DAB2IP: variants seen among roughly 807,000 people sequenced by gnomAD.
The protein encoded by DAB2IP is DAB2 interacting protein.
Under a neutral mutation model 107.2 loss-of-function variants are expected in DAB2IP, and 28 were observed. The observed-to-expected ratio is 0.26, with a 90% CI of 0.19 to 0.36. The LOEUF is 0.36. Ranked by LOEUF, DAB2IP falls within the 10% of genes least tolerant of loss-of-function variation. The pLI is 1.00. For synonymous variants in DAB2IP, 755 were observed against 706.4 expected, an observed-to-expected ratio of 1.07 and a Z score of -1.09; for missense variants, 1,400 against 1,644.7, an observed-to-expected ratio of 0.85 and a Z score of 2.57.
At chr9:121,578,410 C>T (rs554683245) in intron 1 of DAB2IP, among the ~76,000 whole-genome samples, 19 of 152,116 alleles carry the variant, frequency 1.2e-4, no homozygotes, top group Admixed American at 6.5e-4. Context: ...CCTTCCCCAG[C>T]AGAATGGGGA....
chr9:121,742,826 A>G lies in DAB2IP; in HGVS notation c.363-14187A>G, dbSNP rs917012422. On this transcript the variant is annotated intron_variant, in intron 3 of 15. Transcript: ENST00000408936. ...TGTTGTGTCAGAAGCCATGATTTCC[A>G]GTCTTCTCATCTGGAAGATGAAGGA... 1.3e-5 allele frequency: 13 copies of G among 985,316 alleles called. No individual in the cohort carries two copies. The South Asian group carries it at 1.9e-4, about 14-fold the overall frequency. 61.0% of individuals were successfully genotyped at this position (985,316 alleles called of 1,614,324 possible).
At chr9:121,627,826 T>G (rs1050211837) in intron 1 of DAB2IP, among the ~76,000 whole-genome samples, 1 of 152,256 alleles carries the variant, frequency 6.6e-6, no homozygotes, top group Non-Finnish European at 1.5e-5. Flanking sequence ...GCAACTTGCT[T>G]CTTTCGTTCA....
rs200485707 is a variant in DAB2IP, at chr9:121,783,824, C to T, written c.*1326C>T. ...GTTCTGTAGCTTATCTGCCCCTCCC[C>T]CACTTTCAAGACAGATGAGCAGGAG... On this transcript the variant is annotated 3_prime_UTR_variant, in exon 16 of 16. Coordinates refer to ENST00000408936, the Ensembl canonical transcript of DAB2IP. 7.7e-4 allele frequency: 413 copies of T among 533,064 alleles called. 2 individuals carry two copies. The East Asian group carries it at 0.012, about 15-fold the overall frequency. 33.0% of individuals were successfully genotyped at this position (533,064 alleles called of 1,614,324 possible).
chr9:121,779,324 T>G (rs541927181), intron 14 of DAB2IP, among the ~76,000 whole-genome samples: 14 of 152,388 alleles, frequency 9.2e-5, no homozygotes, highest in African/African-American at 3.4e-4. Context: ...TGTTTTCATG[T>G]CCTTGTCTAA....
chr9:121,765,085 C>T (rs1834176259), intron 8 of DAB2IP, among the ~76,000 whole-genome samples: 1 of 152,318 alleles, frequency 6.6e-6, no homozygotes, highest in African/African-American at 2.4e-5. Context: ...AAATGGGCAC[C>T]TCAAGATGGG....
At chr9:121,640,269 A>G (rs151226230) in intron 1 of DAB2IP, among the ~76,000 whole-genome samples, 90 of 152,126 alleles carry the variant, frequency 5.9e-4, no homozygotes, top group South Asian at 1.7e-3. Flanking sequence ...TGGGCTGGGT[A>G]GTGCGGATCT....
chr9:121,765,455 G>T (rs1197258323), intron 8 of DAB2IP, among the ~76,000 whole-genome samples: 1 of 152,234 alleles, frequency 6.6e-6, no homozygotes, highest in Non-Finnish European at 1.5e-5. Flanking sequence ...AGCATGCATT[G>T]CAGGAGAGCC....
intron 2 of DAB2IP, among the ~76,000 whole-genome samples, chr9:121,688,966 A>T (rs761898054): frequency 3.3e-5 from 5 of 152,190 alleles, no homozygotes; most frequent in Non-Finnish European, 7.4e-5. Context: ...CAAGTGACCC[A>T]GCCCACCAGA....
intron 1 of DAB2IP, among the ~76,000 whole-genome samples, chr9:121,640,193 T>G (rs974531362): frequency 6.6e-6 from 1 of 152,086 alleles, no homozygotes; most frequent in East Asian, 1.9e-4. Context: ...ATCCTAGGGC[T>G]CCATAGCCCA....
rs1239148562 is a variant in DAB2IP, at chr9:121,651,614, G to A, written c.-162G>A. On this transcript the variant is annotated 5_prime_UTR_variant, in exon 1 of 16. Transcript: ENST00000408936. The surrounding 1 kb of genome is among the most constrained non-coding windows in gnomAD (Gnocchi z 5.1). ...GCTCGGGGAGCGGGAGGGGGCAGGA[G>A]GCGGAGGAGGAGTTTGAGCGACTTT... 4 of 1,029,404 alleles carry A rather than the reference G, an allele frequency of 3.9e-6. No individual in the cohort carries two copies. In the East Asian group the frequency reaches 3.2e-4, roughly 83 times the overall value. The allele number at this position is 1,029,404 out of a possible 1,614,324, so 63.8% of individuals were successfully genotyped here. A position where few individuals can be genotyped will look rare whatever the true frequency, so the allele number is the denominator to read the frequency against.
At chr9:121,604,891 C>T (rs1024556553) in intron 1 of DAB2IP, among the ~76,000 whole-genome samples, 1 of 152,224 alleles carries the variant, frequency 6.6e-6, no homozygotes, top group African/African-American at 2.4e-5. Context: ...CCTGCACCCC[C>T]CTCCTCAACA....
At chr9:121,648,484 G>T (rs1455600637), upstream of DAB2IP, among the ~76,000 whole-genome samples, 4 of 151,982 alleles carry the variant, frequency 2.6e-5, no homozygotes, top group African/African-American at 9.7e-5. Flanking sequence ...ACACAGCTTG[G>T]TCTCTGAGAG....
intron 3 of DAB2IP, among the ~76,000 whole-genome samples, chr9:121,729,419 C>T (rs1016702254): frequency 6.6e-6 from 1 of 152,142 alleles, no homozygotes; most frequent in Non-Finnish European, 1.5e-5. Context: ...AGCCCAGGTC[C>T]CCTTAACTTT....
intron 1 of DAB2IP, among the ~76,000 whole-genome samples, chr9:121,620,247 C>A (rs1459244620): frequency 6.7e-6 from 1 of 150,316 alleles, no homozygotes; most frequent in Non-Finnish European, 1.5e-5. Flanking sequence ...GGCACCCCTG[C>A]CCTCCCACCC....
chr9:121,617,505 A>G (rs1421268457), intron 1 of DAB2IP, among the ~76,000 whole-genome samples: 1 of 152,150 alleles, frequency 6.6e-6, no homozygotes, highest in Non-Finnish European at 1.5e-5. Flanking sequence ...ACAGCCCAAT[A>G]CAGCGGTTTC....
chr9:121,671,460 A>C (rs1304023910), intron 1 of DAB2IP, among the ~76,000 whole-genome samples: 3 of 152,230 alleles, frequency 2.0e-5, no homozygotes, highest in Non-Finnish European at 2.9e-5. Flanking sequence ...CATGTAAGGC[A>C]ACATATTCAC....
At chr9:121,717,126 A>G (rs1230537548) in intron 3 of DAB2IP, among the ~76,000 whole-genome samples, 3 of 152,206 alleles carry the variant, frequency 2.0e-5, no homozygotes, top group Non-Finnish European at 1.5e-5. Flanking sequence ...ACTTTTCACC[A>G]TAGATTCACC....
exon 12 of DAB2IP, chr9:121,773,068 G>A (rs1937625642): frequency 6.2e-7 from 1 of 1,612,396 alleles, no homozygotes; most frequent in South Asian, 1.1e-5. Flanking sequence ...CGTGGCCTTG[G>A]CGACTCAGGC....
chr9:121,747,135 G>A (rs1257188251), intron 3 of DAB2IP, among the ~76,000 whole-genome samples: 1 of 152,088 alleles, frequency 6.6e-6, no homozygotes, highest in Non-Finnish European at 1.5e-5. Flanking sequence ...AGGGAGGTTG[G>A]GCTCTTTTCC....
Sources: gnomAD v4.1 joint callset for allele counts (sites outside exome capture counted in the v4.1 genomes callset) on GRCh38, gnomAD v4.1.1 for gene constraint, Gnocchi (gnomAD v3.1) non-coding constraint, MANE v1.5 for transcripts, NCBI Gene and HGNC (gene_info 2026-07-23, HGNC 2026-07-21) for gene names.